Variants in STIM1 observed in about 807,000 individuals in gnomAD.
The protein encoded by STIM1 is stromal interaction molecule 1.
A neutral mutation model predicts 74.7 loss-of-function variants in STIM1; 25 were observed. The observed-to-expected ratio is 0.33, with a 90% CI of 0.24 to 0.47. STIM1 has a LOEUF of 0.47. Ranked by LOEUF, STIM1 falls within the 20% of genes least tolerant of loss-of-function variation. The pLI is 1.00. For synonymous variants in STIM1, 328 were observed against 348.8 expected, an observed-to-expected ratio of 0.94 and a Z score of 0.66; for missense variants, 728 against 920.8, an observed-to-expected ratio of 0.79 and a Z score of 2.71.
chr11:3,872,530 T>C (rs929842149), intron 1 of STIM1, among the ~76,000 whole-genome samples: 10 of 150,096 alleles, frequency 6.7e-5, no homozygotes, highest in African/African-American at 1.7e-4. Context: ...TTTCTTTTTT[T>C]TTTTTTTTTG....
intron 5 of STIM1, among the ~76,000 whole-genome samples, chr11:4,063,338 C>T (rs2920141): frequency 0.79 from 119,837 of 152,124 alleles, 50,177 homozygotes; most frequent in East Asian, 0.95. Context: ...CTTTGCCTTA[C>T]TGCACTTGGC....
chr11:4,057,955 A>G (rs182580256), intron 4 of STIM1, among the ~76,000 whole-genome samples: 240 of 152,184 alleles, frequency 1.6e-3, no homozygotes, highest in African/African-American at 5.4e-3. Flanking sequence ...TATTGTATGT[A>G]AAGTATCAGA....
intron 12 of STIM1, 105 bp downstream of exon 12, chr11:4,086,648 C>G: frequency 6.4e-7 from 1 of 1,560,046 alleles, no homozygotes. Flanking sequence ...GGCTACGGGA[C>G]CAGCTCTCCA....
rs763590946 is a variant in STIM1 at position 4,023,854 on chromosome 11, G to A, written c.271-19G>A. ...GACTCCTAGGTATCTCTTGTGACTT[G>A]TGTACTTTTCCCTTGCAGTTCCTGA... On this transcript the variant is annotated intron_variant, in intron 2 of 12. Coordinates refer to ENST00000526596, the MANE Select transcript of STIM1 (RefSeq NM_001382567.1). The A allele has an allele frequency of 2.4e-5, 38 of 1,602,368 alleles. No homozygotes were observed. The East Asian group carries it at 7.1e-4, about 30-fold the overall frequency.
At chr11:4,085,708 T>C (rs2094489858) in intron 11 of STIM1, among the ~76,000 whole-genome samples, 1 of 152,206 alleles carries the variant, frequency 6.6e-6, no homozygotes, top group African/African-American at 2.4e-5. Flanking sequence ...GACATTATTG[T>C]GAAGTCTCAG....
At chr11:3,920,127 A>C (rs74473578) in intron 1 of STIM1, among the ~76,000 whole-genome samples, 1 of 40,190 alleles carries the variant, frequency 2.5e-5, no homozygotes. Context: ...TGAAGTGTAC[A>C]ATTTTTTTTT....
chr11:4,074,582 A>G lies in STIM1; in HGVS notation c.872A>G (p.Asn291Ser), dbSNP rs138848040. ...HLEKKLRDEI[N>S]LAKQEAQRLK... The stretch of plus-strand genomic sequence containing the variant: ...GAAAAGAAGCTGCGCGATGAGATCA[A>G]CCTTGCTAAGCAGGAAGCCCAGCGG... Residue 291 changes from asparagine (N) to serine (S), a missense_variant, in exon 7 of 13, where the codon AAC becomes AGC. Coordinates refer to ENST00000526596, the MANE Select transcript of STIM1 (RefSeq NM_001382567.1). 79 of 1,613,888 alleles carry G rather than the reference A, an allele frequency of 4.9e-5. No individual in the cohort carries two copies. In the African/African-American group the frequency reaches 6.5e-4, roughly 13 times the overall value.
chr11:4,022,312 G>C (rs1240350916), intron 2 of STIM1, among the ~76,000 whole-genome samples: 2 of 142,896 alleles, frequency 1.4e-5, no homozygotes, highest in Admixed American at 1.5e-4. Flanking sequence ...CTGCAGCCTG[G>C]GTGACAGAAT....
intron 2 of STIM1, among the ~76,000 whole-genome samples, chr11:4,018,221 G>A (rs1047085458): frequency 1.3e-4 from 19 of 150,252 alleles, no homozygotes; most frequent in South Asian, 2.1e-4. Context: ...AGGCCGAGGC[G>A]GGTGGATCAT....
At chr11:3,873,708 C>G (rs117524786) in intron 1 of STIM1, among the ~76,000 whole-genome samples, 8 of 152,076 alleles carry the variant, frequency 5.3e-5, no homozygotes, top group Non-Finnish European at 1.0e-4. Context: ...AGTTTACCTA[C>G]GCAGGAAGGG....
intron 10 of STIM1, 177 bp downstream of exon 10, chr11:4,083,675 T>C (rs1452752878): frequency 1.5e-6 from 1 of 661,970 alleles, no homozygotes; most frequent in Non-Finnish European, 2.6e-6. Flanking sequence ...AGTTGTCCTT[T>C]TGGTGTTCTT....
chr11:4,006,447 T>TGG (rs2093782069), intron 2 of STIM1, among the ~76,000 whole-genome samples: 2 of 152,200 alleles, frequency 1.3e-5, no homozygotes, highest in Non-Finnish European at 2.9e-5. Context: ...CGGAGTCTCA[T>TGG]GCTGTTGCCC....
chr11:4,035,929 T>G (rs1191697546), intron 3 of STIM1, among the ~76,000 whole-genome samples: 1 of 151,592 alleles, frequency 6.6e-6, no homozygotes, highest in African/African-American at 2.4e-5. Context: ...GGTAAATGTG[T>G]GCCATGGTGG....
intron 1 of STIM1, among the ~76,000 whole-genome samples, chr11:3,895,671 T>TTTCCTTCCTTCCTTCC (rs761059057): frequency 6.9e-5 from 3 of 43,344 alleles, no homozygotes; most frequent in Non-Finnish European, 1.2e-4. Context: ...TCTTTCTTTC[T>TTTCCTTCCTTCCTTCC]TTCCTTCCTT....
chr11:3,932,036 C>T (rs1336283759), intron 1 of STIM1, among the ~76,000 whole-genome samples: 1 of 152,124 alleles, frequency 6.6e-6, no homozygotes, highest in Non-Finnish European at 1.5e-5. Context: ...CGGCCTGTTG[C>T]TCCTGGGCTG....
Position 3,929,758 on chromosome 11 carries a change from A to G in STIM1, c.140-37794A>G, listed in dbSNP as rs367720176. On this transcript the variant is annotated intron_variant, in intron 1 of 12. Transcript: ENST00000526596. ...TGCTTTACTCCTGCATTTTTTGTTCAGAGTGGACCCCGTTCTGCAATCGTT... is the reference window on the plus strand; with the variant it reads ...TGCTTTACTCCTGCATTTTTTGTTCGGAGTGGACCCCGTTCTGCAATCGTT... 9.2e-5 allele frequency among the ~76,000 whole-genome samples: 14 copies of G among 152,338 alleles called. 1 individual carries two copies. The highest frequency in any genetic ancestry group is 3.1e-4 in the African/African-American group (13 of 41,578).
At chr11:3,869,303 C>G (rs2090988670) in intron 1 of STIM1, among the ~76,000 whole-genome samples, 1 of 152,194 alleles carries the variant, frequency 6.6e-6, no homozygotes, top group Non-Finnish European at 1.5e-5. Context: ...GGGCTAGGTA[C>G]TTTCACATGC....
intron 1 of STIM1, among the ~76,000 whole-genome samples, chr11:3,899,125 A>G (rs2092274816): frequency 6.6e-6 from 1 of 152,018 alleles, no homozygotes; most frequent in Non-Finnish European, 1.5e-5. Flanking sequence ...CATTTTCACG[A>G]TATTGATTCT....
chr11:4,035,602 G>T (rs2132952057), intron 3 of STIM1, among the ~76,000 whole-genome samples: 1 of 151,870 alleles, frequency 6.6e-6, no homozygotes, highest in South Asian at 2.1e-4. Context: ...TTATTTAGAA[G>T]CAAGTTATTT....
Sources: gnomAD v4.1 joint callset for allele counts (sites outside exome capture counted in the v4.1 genomes callset) on GRCh38, gnomAD v4.1.1 for gene constraint, MANE v1.5 for transcripts, NCBI Gene and HGNC (gene_info 2026-07-23, HGNC 2026-07-21) for gene names.